GARRE1: variants seen among roughly 807,000 people sequenced by gnomAD.
GARRE1 encodes granule associated Rac and RHOG effector 1, also known as granule associated Rac and RHOG effector protein 1.
A neutral mutation model predicts 103.2 loss-of-function variants in GARRE1; 49 were observed. The observed-to-expected ratio is 0.47, with a 90% confidence interval of 0.38 to 0.60. The LOEUF (loss-of-function observed/expected upper bound fraction) is 0.60. Ranked by LOEUF, GARRE1 falls within the 20% of genes least tolerant of loss-of-function variation. The pLI is 0.00. For synonymous variants in GARRE1, 505 were observed against 532.8 expected (o/e 0.95, Z 0.72); for missense variants, 1,199 against 1,370.5 (o/e 0.87, Z 1.98).
chr19:34,295,456 G>T (rs1194928768), intron 1 of GARRE1, among the ~76,000 whole-genome samples: 1 of 151,840 alleles, frequency 6.6e-6, no homozygotes, highest in African/African-American at 2.4e-5. Flanking sequence ...TGCCATTTTT[G>T]ATGATACTCT....
intron 1 of GARRE1, among the ~76,000 whole-genome samples, chr19:34,277,996 T>TTATTGAC (rs2073827573): frequency 6.9e-6 from 1 of 145,334 alleles, no homozygotes; most frequent in Non-Finnish European, 1.5e-5. Flanking sequence ...CTTAATATCA[T>TTATTGAC]TATTGACTCA....
At position 34,302,292 on chromosome 19, in the gene GARRE1, G is replaced by GTTT. The variant is rs397786603; in HGVS notation, c.495+1342_495+1344dup. Among the ~76,000 whole-genome samples, 338 of 91,992 alleles carry GTTT rather than the reference G, an allele frequency of 3.7e-3. 36 individuals are homozygous for GTTT. The highest frequency in any genetic ancestry group is 7.2e-3 in the African/African-American group (161 of 22,294). 60.4% of individuals were successfully genotyped at this position (91,992 alleles called of 152,430 possible). ...CAGGCAGGAGCCACCGCGCCCAGCC[G>GTTT]TTTTTTTTTTTTTTTTTTTTGAGAC... is the stretch of plus-strand genomic sequence containing the variant. On this transcript the variant is annotated intron_variant, in intron 2 of 13. Transcript: ENST00000299505.
At chr19:34,329,230 T>C (rs1486541461) in intron 6 of GARRE1, among the ~76,000 whole-genome samples, 2 of 152,224 alleles carry the variant, frequency 1.3e-5, no homozygotes, top group African/African-American at 4.8e-5. Context: ...TTTGAGCTTA[T>C]GTAATCTGTT....
intron 1 of GARRE1, among the ~76,000 whole-genome samples, chr19:34,273,239 G>C (rs976358304): frequency 6.6e-6 from 1 of 152,138 alleles, no homozygotes; most frequent in African/African-American, 2.4e-5. Flanking sequence ...CATGTGAAGT[G>C]CATAGCACAG....
chr19:34,267,570 A>T (rs2073759981), intron 1 of GARRE1, among the ~76,000 whole-genome samples: 1 of 152,166 alleles, frequency 6.6e-6, no homozygotes, highest in Non-Finnish European at 1.5e-5. Flanking sequence ...AGTCTTCTTA[A>T]ATAACTTTCT....
chr19:34,307,037 C>T (rs993718221), intron 2 of GARRE1, among the ~76,000 whole-genome samples: 4 of 152,116 alleles, frequency 2.6e-5, no homozygotes, highest in African/African-American at 9.7e-5. Context: ...GAGCGCCGAG[C>T]ACAGAGTCCC....
chr19:34,267,610 A>G (rs2073760303), intron 1 of GARRE1, among the ~76,000 whole-genome samples: 1 of 152,000 alleles, frequency 6.6e-6, no homozygotes, highest in South Asian at 2.1e-4. Flanking sequence ...CAGTAATCCA[A>G]CCTTTTTTTT....
At position 34,349,054 on chromosome 19, in the gene GARRE1, A is replaced by T. The variant is rs1341719340; in HGVS notation, c.2726A>T (p.Asp909Val). The T allele has an allele frequency of 6.2e-7, 1 of 1,611,710 alleles. No homozygotes were observed. Among genetic ancestry groups the T allele is most frequent in the Non-Finnish European group, 8.5e-7 (1 of 1,179,936 alleles). The stretch of plus-strand genomic sequence containing the variant: ...GGTGGCTGGTCGGGTGCTCAGGGAG[A>T]CTCTGCCAGCTCGAGTGATGAGACA... ...LHGGWSGAQG[D>V]SASSSDETSS... Residue 909 changes from aspartate (D) to valine (V), a missense_variant, in exon 12 of 14, where the codon GAC becomes GTC. Asp to Val is a radical substitution (Grantham distance 152). Coordinates refer to ENST00000299505, the MANE Select transcript of GARRE1 (RefSeq NM_014686.5).
At chr19:34,299,170 C>T (rs2073963875) in intron 1 of GARRE1, among the ~76,000 whole-genome samples, 1 of 152,188 alleles carries the variant, frequency 6.6e-6, no homozygotes, top group African/African-American at 2.4e-5. Context: ...CCACCTGTCC[C>T]TTTTGCACTT....
At chr19:34,322,017 G>T (rs1271955624) in intron 3 of GARRE1, among the ~76,000 whole-genome samples, 1 of 152,106 alleles carries the variant, frequency 6.6e-6, no homozygotes, top group East Asian at 1.9e-4. Context: ...CCGCTCCGGT[G>T]GGGGGATTCT....
In GARRE1 at chr19:34,300,738, G is replaced by A. The variant is rs149799888; in HGVS notation, c.265G>A (p.Val89Ile). 202 of 1,614,078 alleles carry A rather than the reference G, an allele frequency of 1.3e-4. No individual in the cohort carries two copies. The highest frequency in any genetic ancestry group is 1.6e-4 in the Non-Finnish European group (187 of 1,180,048). ...CTCCAAGTATCTGGATGCCCTGAAC[G>A]TCTTCTGCCGTGCCAGTACTTTCCT... ...GISKYLDALNVFCRASTFLTD... is the reference protein window; with the variant it reads ...GISKYLDALNIFCRASTFLTD... Residue 89 changes from valine to isoleucine, a missense_variant, in exon 2 of 14, where the codon GTC (valine) becomes ATC (isoleucine). Physicochemically the swap from Val to Ile is conservative, Grantham distance 29. Transcript: ENST00000299505.
chr19:34,262,799 C>G (rs1429120562), intron 1 of GARRE1, among the ~76,000 whole-genome samples: 1 of 152,160 alleles, frequency 6.6e-6, no homozygotes, highest in East Asian at 1.9e-4. Context: ...AGATGTGGAT[C>G]AAGCTCAGAG....
chr19:34,254,766 G>A (rs991177285), intron 1 of GARRE1, among the ~76,000 whole-genome samples, 152 bp downstream of exon 1: 4 of 148,492 alleles, frequency 2.7e-5, no homozygotes, highest in African/African-American at 7.3e-5. Context: ...GCGCGGGGCC[G>A]TGGGCTCCCG....
At chr19:34,304,724 G>T (rs1419680768) in intron 2 of GARRE1, among the ~76,000 whole-genome samples, 1 of 151,022 alleles carries the variant, frequency 6.6e-6, no homozygotes, top group Non-Finnish European at 1.5e-5. Flanking sequence ...TTATACCCAG[G>T]GATACTGTCA....
At chr19:34,351,735 CA>C in intron 13 of GARRE1, 143 bp downstream of exon 13, 7 of 658,406 alleles carry the variant, frequency 1.1e-5, no homozygotes, top group Non-Finnish European at 1.1e-5. Flanking sequence ...CTCAGAGCCA[CA>C]GGAAGCTCTA....
chr19:34,339,960 T>C lies in GARRE1; in HGVS notation c.1455T>C (p.Ala485=). The C allele has an allele frequency of 1.2e-6, 2 of 1,614,190 alleles. No homozygotes were observed. Among genetic ancestry groups the C allele is most frequent in the South Asian group, 2.2e-5 (2 of 91,086 alleles). ...GTCTAGTGGACGTGCTCTACACAGC[T>C]GTGCTGGACCTAAACCGCTGGAGGG... The part of the protein sequence containing the change: ...TLGLVDVLYT[A]VLDLNRWRAG... Residue 485 remains alanine (A), a synonymous_variant, in exon 9 of 14, where the codon GCT becomes GCC. Coordinates refer to ENST00000299505, the MANE Select transcript of GARRE1 (RefSeq NM_014686.5).
intron 6 of GARRE1, among the ~76,000 whole-genome samples, chr19:34,328,400 G>C (rs964464850): frequency 1.3e-5 from 2 of 151,542 alleles, no homozygotes; most frequent in Non-Finnish European, 2.9e-5. Flanking sequence ...ACGGTGGCAC[G>C]CACCTGTAGT....
chr19:34,290,874 C>CTTTTT (rs71165641), intron 1 of GARRE1, among the ~76,000 whole-genome samples: 5 of 63,214 alleles, frequency 7.9e-5, no homozygotes, highest in African/African-American at 1.3e-4. Context: ...AAGCATATTG[C>CTTTTT]TTTTTTTTTT....
intron 1 of GARRE1, chr19:34,296,371 C>T (rs1011214152): frequency 2.9e-6 from 4 of 1,365,622 alleles, no homozygotes; most frequent in Non-Finnish European, 4.1e-6. Flanking sequence ...TGATCCTTGG[C>T]CTTGGCCTTT....
Sources: gnomAD v4.1 joint callset for allele counts (sites outside exome capture counted in the v4.1 genomes callset) on GRCh38, gnomAD v4.1.1 for gene constraint, MANE v1.5 for transcripts, NCBI Gene and HGNC (gene_info 2026-07-23, HGNC 2026-07-21) for gene names.